The following IYD variants were observed in gnomAD, a reference collection of about 807,000 sequenced individuals.
IYD encodes the protein iodotyrosine deiodinase 1.
A neutral mutation model predicts 28.4 loss-of-function variants in IYD; 25 were observed. The observed-to-expected ratio is 0.88, with a 90% CI of 0.64 to 1.23. The LOEUF (loss-of-function observed/expected upper bound fraction) is 1.23, where lower values mean the gene tolerates loss of function less well. Ranked by LOEUF, IYD falls within the 50% of genes most tolerant of loss-of-function variation. IYD has a pLI of 0.00. For missense variants in IYD, 352 were observed against 357.9 expected (o/e 0.98, Z 0.13); for synonymous variants, 140 against 130.8 (o/e 1.07, Z -0.48).
intron 1 of IYD, 123 bp downstream of exon 1, chr6:150,369,332 A>G (rs1368158926): frequency 1.1e-6 from 1 of 898,072 alleles, no homozygotes; most frequent in South Asian, 1.4e-5. Context: ...ATCAACCTCT[A>G]TTGTGCTAAT....
chr6:150,375,998 C>CT (rs1346994436), intron 1 of IYD, among the ~76,000 whole-genome samples: 1 of 152,182 alleles, frequency 6.6e-6, no homozygotes, highest in Non-Finnish European at 1.5e-5. Flanking sequence ...CAGAAAAACA[C>CT]TTCCATGCTA....
Position 150,396,831 on chromosome 6 carries a change from G to A in IYD, c.688-1224G>A, listed in dbSNP as rs181503288. 1,564 of 160,340 alleles carry A rather than the reference G, an allele frequency of 9.8e-3. 25 individuals carry two copies. Among genetic ancestry groups the A allele is most frequent in the African/African-American group, 0.036 (1,484 of 40,942 alleles). 9.9% of individuals were successfully genotyped at this position (160,340 alleles called of 1,614,324 possible). A position where few individuals can be genotyped will look rare whatever the true frequency, so the allele number is the denominator to read the frequency against. ...GGAGCTTGCAGTGAGCGGAGATCCCGCCACTGCACTCCAGCCTGGGCGACA... is the reference window on the plus strand; with the variant it reads ...GGAGCTTGCAGTGAGCGGAGATCCCACCACTGCACTCCAGCCTGGGCGACA... On this transcript the variant is annotated intron_variant, in intron 4 of 4. Coordinates refer to ENST00000344419, the MANE Select transcript of IYD (RefSeq NM_203395.3).
intron 1 of IYD, chr6:150,385,068 T>TA (rs1330356582): frequency 3.9e-5 from 6 of 151,994 alleles, no homozygotes; most frequent in African/African-American, 1.5e-4. Flanking sequence ...AACAGGAGGG[T>TA]AATGGGGAAA....
At chr6:150,389,167 G>C (rs1244512471) in intron 1 of IYD, among the ~76,000 whole-genome samples, 185 bp from the exon 2 acceptor site, 1 of 152,190 alleles carries the variant, frequency 6.6e-6, no homozygotes, top group African/African-American at 2.4e-5. Context: ...ATTGCACCCA[G>C]CTGGAGTTTT....
At chr6:150,377,179 C>T (rs1349634022) in intron 1 of IYD, among the ~76,000 whole-genome samples, 1 of 152,164 alleles carries the variant, frequency 6.6e-6, no homozygotes, top group Non-Finnish European at 1.5e-5. Context: ...TGTGGCAGCA[C>T]AAGATTTCAT....
intron 1 of IYD, among the ~76,000 whole-genome samples, chr6:150,380,263 C>A (rs1455327777): frequency 6.6e-6 from 1 of 152,078 alleles, no homozygotes; most frequent in East Asian, 1.9e-4. Flanking sequence ...ACTAATCATA[C>A]CCACCAGAGA....
chr6:150,383,093 G>A (rs879755735), intron 1 of IYD, among the ~76,000 whole-genome samples: 5 of 152,238 alleles, frequency 3.3e-5, no homozygotes, highest in South Asian at 4.1e-4. Flanking sequence ...CAGGGAAAAT[G>A]CACTTTTGTG....
Position 150,394,236 on chromosome 6 carries a change from T to C in IYD, c.668T>C (p.Ile223Thr). The C allele has an allele frequency of 6.2e-7, 1 of 1,614,220 alleles. No homozygotes were observed. Among genetic ancestry groups the C allele is most frequent in the Non-Finnish European group, 8.5e-7 (1 of 1,180,046 alleles). The change falls in exon 4 of 5, where the codon ATC becomes ACC. Residue 223 changes from isoleucine (I) to threonine (T), a missense_variant. Coordinates refer to ENST00000344419, the MANE Select transcript of IYD (RefSeq NM_203395.3). Reference protein sequence around the residue: ...NEISVSIACGILLAALQNAGL... With the variant: ...NEISVSIACGTLLAALQNAGL... ...ATCAGTGTTTCCATCGCTTGTGGCA[T>C]CCTGCTAGCTGCCCTGCAGGTATGT...
chr6:150,395,446 T>A, intron 4 of IYD: 1 of 1,537,250 alleles, frequency 6.5e-7, no homozygotes, highest in Non-Finnish European at 8.7e-7. Context: ...TTCCTGAATC[T>A]GTAAGCAGGT....
At chr6:150,394,357 A>C (rs1055534586) in intron 4 of IYD, 102 bp downstream of exon 4, 5 of 1,265,198 alleles carry the variant, frequency 4.0e-6, no homozygotes, top group South Asian at 1.2e-5. Flanking sequence ...TCTAAAGTAG[A>C]ATTCCTAAGT....
At position 150,394,248 on chromosome 6, in the gene IYD, C is replaced by T. The variant is rs754507308; in HGVS notation, c.680C>T (p.Ala227Val). 6.2e-7 allele frequency: 1 copy of T among 1,614,102 alleles called. No homozygotes were observed. Among genetic ancestry groups the T allele is most frequent in the South Asian group, 1.1e-5 (1 of 91,080 alleles). ...ATCGCTTGTGGCATCCTGCTAGCTG[C>T]CCTGCAGGTATGTTGAGACATCAAG... is the stretch of plus-strand genomic sequence containing the variant. ...VSIACGILLA[A>V]LQNAGLVTVT... Residue 227 changes from alanine (A) to valine (V), a missense_variant, in exon 4 of 5, where the codon GCC becomes GTC. By Grantham distance (64) the Ala-to-Val change is moderately conservative. Transcript: ENST00000344419.
chr6:150,388,846 T>G (rs905516295), intron 1 of IYD, among the ~76,000 whole-genome samples: 1 of 151,584 alleles, frequency 6.6e-6, no homozygotes, highest in Non-Finnish European at 1.5e-5. Flanking sequence ...GGATTACAGG[T>G]GTGCACCACA....
chr6:150,392,546 TTAAAA>T (rs777106826), intron 3 of IYD, 42 bp downstream of exon 3: 1 of 1,605,622 alleles, frequency 6.2e-7, no homozygotes, highest in Non-Finnish European at 8.5e-7. Context: ...CCTTGGCCTC[TTAAAA>T]TAAAATCACC....
At chr6:150,393,955 C>T (rs1406167148) in intron 3 of IYD, 144 bp from the exon 4 acceptor site, 3 of 874,056 alleles carry the variant, frequency 3.4e-6, no homozygotes, top group Admixed American at 5.4e-5. Context: ...TGGAATGAGA[C>T]AAAAACAAAA....
chr6:150,389,631 A>C, intron 2 of IYD, 88 bp downstream of exon 2: 1 of 1,148,954 alleles, frequency 8.7e-7, no homozygotes, highest in Non-Finnish European at 1.3e-6. Flanking sequence ...GTTTAAACAT[A>C]GCGAATAAAG....
intron 3 of IYD, among the ~76,000 whole-genome samples, chr6:150,393,173 C>T (rs1778187978): frequency 1.3e-5 from 2 of 152,148 alleles, no homozygotes. Context: ...TTCACCCTTG[C>T]AATAACCACA....
At chr6:150,394,064 G>A in intron 3 of IYD, 35 bp from the exon 4 acceptor site, 2 of 1,607,824 alleles carry the variant, frequency 1.2e-6, no homozygotes, top group Non-Finnish European at 1.7e-6. Context: ...AAAAATATGG[G>A]CAAATATTAT....
intron 1 of IYD, among the ~76,000 whole-genome samples, chr6:150,381,336 AT>A (rs1375341605): frequency 6.6e-6 from 1 of 152,198 alleles, no homozygotes; most frequent in Non-Finnish European, 1.5e-5. Context: ...CTTTCACTGC[AT>A]TGAGAAAATG....
At chr6:150,396,465 T>G (rs1490308050) in intron 4 of IYD, 1 of 698,952 alleles carries the variant, frequency 1.4e-6, no homozygotes, top group East Asian at 2.7e-5. Context: ...GTCTGTGTAT[T>G]TGCAGGTTTC....
Sources: gnomAD v4.1 joint callset for allele counts (sites outside exome capture counted in the v4.1 genomes callset) on GRCh38, gnomAD v4.1.1 for gene constraint, MANE v1.5 for transcripts, NCBI Gene and HGNC (gene_info 2026-07-23, HGNC 2026-07-21) for gene names.